The following BCAR1 variants were observed in gnomAD, a reference collection of about 807,000 sequenced individuals.
The protein encoded by BCAR1 is breast cancer anti-estrogen resistance protein 1.
BCAR1 carries 30 observed loss-of-function variants against 67.6 expected under a neutral mutation model. The observed-to-expected ratio is 0.44, with a 90% CI of 0.33 to 0.60. BCAR1 has a LOEUF of 0.60. Ranked by LOEUF, BCAR1 falls within the 20% of genes least tolerant of loss-of-function variation. The pLI is 0.02. For synonymous variants in BCAR1, 626 were observed against 556.7 expected (o/e 1.12, Z -1.75); for missense variants, 1,313 against 1,222.3 (o/e 1.07, Z -1.11).
chr16:75,263,167 CA>C, intron 1 of BCAR1: 1 of 977,168 alleles, frequency 1.0e-6, no homozygotes, highest in Middle Eastern at 5.3e-4. Flanking sequence ...CTGGAGTGGC[CA>C]CACTCACTTC....
At chr16:75,267,832 G>A (rs1176199556) in intron 1 of BCAR1, 12 of 1,444,402 alleles carry the variant, frequency 8.3e-6, no homozygotes, top group East Asian at 7.4e-5. Context: ...GCCTCTTACC[G>A]CCCCAGGGGC....
At chr16:75,266,231 C>T (rs1038467993) in intron 1 of BCAR1, 42 of 185,490 alleles carry the variant, frequency 2.3e-4, no homozygotes, top group Non-Finnish European at 3.2e-4. Context: ...TGGCCGGGCT[C>T]CTAGGCCCTG....
intron 5 of BCAR1, 139 bp from the exon 6 acceptor site, chr16:75,234,074 C>T (rs1254402601): frequency 7.0e-6 from 5 of 715,296 alleles, no homozygotes; most frequent in Non-Finnish European, 1.2e-5. Context: ...CACGTGGACG[C>T]ACACACACAC....
intron 1 of BCAR1, chr16:75,243,596 C>A: frequency 2.3e-6 from 1 of 438,242 alleles, no homozygotes; most frequent in Non-Finnish European, 4.6e-6. Flanking sequence ...TCCAAAAAGT[C>A]AGTAATTAAT....
chr16:75,255,340 G>A (rs534955490), upstream of BCAR1, among the ~76,000 whole-genome samples: 30 of 152,224 alleles, frequency 2.0e-4, no homozygotes, highest in South Asian at 2.3e-3. Context: ...GGTGAGCACT[G>A]CCAGCCCCAG....
intron 1 of BCAR1, chr16:75,264,452 G>C: frequency 1.3e-6 from 2 of 1,510,618 alleles, no homozygotes; most frequent in Non-Finnish European, 1.8e-6. Flanking sequence ...GAGAAGTCCA[G>C]AACTTTCCAG....
At position 75,233,875 on chromosome 16, in the gene BCAR1, G is replaced by A. The variant is rs1306018384; in HGVS notation, c.2071C>T (p.Gln691Ter). The change falls in exon 6 of 7, where the codon CAG becomes TAG. Residue 691 changes from glutamine to a stop codon, truncating the protein, a stop_gained. Coordinates refer to ENST00000162330, the MANE Select transcript of BCAR1 (RefSeq NM_014567.5). LOFTEE classifies it high-confidence loss of function. ...TGCAACTCCAGCTGGCTCTTGCCCT[G>A]CCGCGTGATGCTGCCCTTTTCCAGC... ...ELLEKGSITR[Q>*]GKSQLELQQL... The A allele has an allele frequency of 6.2e-7, 1 of 1,609,950 alleles. No homozygotes were observed. Among genetic ancestry groups the A allele is most frequent in the Non-Finnish European group, 8.5e-7 (1 of 1,178,360 alleles).
At chr16:75,256,439 T>A (rs1442559948), upstream of BCAR1, among the ~76,000 whole-genome samples, 1 of 147,592 alleles carries the variant, frequency 6.8e-6, no homozygotes, top group East Asian at 2.0e-4. Context: ...CCAAGGCCAG[T>A]CCCCAGAGAC....
intron 2 of BCAR1, 51 bp downstream of exon 2, chr16:75,242,419 G>A: frequency 2.2e-6 from 3 of 1,350,786 alleles, no homozygotes; most frequent in Non-Finnish European, 2.9e-6. Flanking sequence ...CCACAAACCA[G>A]GGCCTGGGCT....
rs569833333 is a variant in BCAR1 at position 75,245,459 on chromosome 16, G to C, written c.13-2369C>G. ...GCAGAGGCCCCATCAGGCAGGGCCAGGCACTCAGAGAGGCTGAGGGAGCAC... is the reference window on the plus strand; with the variant it reads ...GCAGAGGCCCCATCAGGCAGGGCCACGCACTCAGAGAGGCTGAGGGAGCAC... On this transcript the variant is annotated intron_variant, in intron 1 of 6. Transcript: ENST00000162330. Among the ~76,000 whole-genome samples, 3 of 152,292 alleles carry C rather than the reference G, an allele frequency of 2.0e-5. No homozygotes were observed. The South Asian group carries it at 6.2e-4, about 32-fold the overall frequency.
intron 6 of BCAR1, among the ~76,000 whole-genome samples, chr16:75,230,927 G>A (rs916905086): frequency 1.3e-5 from 2 of 152,176 alleles, no homozygotes; most frequent in African/African-American, 4.8e-5. Flanking sequence ...GCTCATGCCT[G>A]TGATCCCAGC....
upstream of BCAR1, among the ~76,000 whole-genome samples, chr16:75,256,514 T>TG (rs71380714): frequency 0.029 from 3,778 of 131,958 alleles, 47 homozygotes; most frequent in African/African-American, 0.035. Context: ...ACAGCACGGA[T>TG]GGGGGGGGGT....
At chr16:75,237,123 G>A (rs2077168998) in intron 3 of BCAR1, 60 bp downstream of exon 3, 2 of 1,500,560 alleles carry the variant, frequency 1.3e-6, no homozygotes, top group East Asian at 2.4e-5. Context: ...TCGGCCCAGG[G>A]CCAAGCAGAG....
At chr16:75,251,625 A>T, upstream of BCAR1, 1 of 1,008,978 alleles carries the variant, frequency 9.9e-7, no homozygotes, top group Non-Finnish European at 1.2e-6. Context: ...GAGCCGGTCC[A>T]GCCGCTCTCC....
chr16:75,264,584 A>T (rs1316372827), intron 1 of BCAR1: 15 of 1,302,774 alleles, frequency 1.2e-5, no homozygotes, highest in Admixed American at 7.0e-5. Context: ...CACAGTCTGG[A>T]AGCCCTCATT....
intron 1 of BCAR1, chr16:75,266,443 G>A (rs1340500888): frequency 6.8e-6 from 2 of 295,918 alleles, no homozygotes; most frequent in Admixed American, 1.0e-4. Flanking sequence ...TTCTAGGGAG[G>A]ATCCTGTGTC....
In BCAR1 at chr16:75,235,046, C is replaced by A. The variant is rs199700159; in HGVS notation, c.1853G>T (p.Gly618Val). 5.6e-6 allele frequency: 9 copies of A among 1,613,094 alleles called. No individual in the cohort carries two copies. Among genetic ancestry groups the A allele is most frequent in the Non-Finnish European group, 6.8e-6 (8 of 1,179,968 alleles). ...TKATAPGPEGGGTLHPNPTDK... is the reference protein window; with the variant it reads ...TKATAPGPEGVGTLHPNPTDK... ...AGTGGGGTTGGGGTGCAGGGTGCCA[C>A]CCCCCTCAGGCCCCGGGGCAGTGGC... Residue 618 changes from glycine to valine, a missense_variant, in exon 5 of 7, where the codon GGT (glycine) becomes GTT (valine). Around this residue, in one of 2 missense-constraint regions of BCAR1, gnomAD observed 1,272 missense variants for 1,137.5 expected, o/e 1.12. Coordinates refer to ENST00000162330, the MANE Select transcript of BCAR1 (RefSeq NM_014567.5).
At chr16:75,241,509 C>A (rs1052821824) in intron 2 of BCAR1, among the ~76,000 whole-genome samples, 5 of 152,136 alleles carry the variant, frequency 3.3e-5, no homozygotes, top group African/African-American at 1.2e-4. Context: ...TGGGAGCACC[C>A]CCACCCAGGC....
intron 1 of BCAR1, chr16:75,248,267 C>T (rs1002436930): frequency 3.0e-5 from 44 of 1,460,272 alleles, no homozygotes; most frequent in Middle Eastern, 5.0e-4. Flanking sequence ...ACGCCCCCAA[C>T]GCACACATGC....
Sources: gnomAD v4.1 joint callset for allele counts (sites outside exome capture counted in the v4.1 genomes callset) on GRCh38, gnomAD v4.1.1 for gene constraint, gnomAD v4.1.1 regional missense constraint, MANE v1.5 for transcripts, NCBI Gene and HGNC (gene_info 2026-07-23, HGNC 2026-07-21) for gene names.